DIAPH3: variants seen among roughly 807,000 people sequenced by gnomAD.
DIAPH3 encodes protein diaphanous homolog 3.
A neutral mutation model predicts 144.3 loss-of-function variants in DIAPH3; 117 were observed. The observed-to-expected ratio is 0.81, with a 90% confidence interval of 0.70 to 0.95. The LOEUF (loss-of-function observed/expected upper bound fraction) is 0.95, where lower values mean the gene tolerates loss of function less well. Ranked by LOEUF, DIAPH3 falls within the 40% of genes least tolerant of loss-of-function variation. The pLI is 0.00. For synonymous variants in DIAPH3, 519 were observed against 488.9 expected, an observed-to-expected ratio of 1.06 and a Z score of -0.81; for missense variants, 1,421 against 1,412.7, an observed-to-expected ratio of 1.01 and a Z score of -0.09.
intron 1 of DIAPH3, among the ~76,000 whole-genome samples, chr13:60,144,531 C>T (rs924777347): frequency 1.3e-5 from 2 of 152,112 alleles, no homozygotes; most frequent in South Asian, 2.1e-4. Context: ...CAGCCCTAGC[C>T]GCAGCTAAAC....
chr13:60,147,345 G>C (rs564920017), intron 1 of DIAPH3: 2 of 152,126 alleles, frequency 1.3e-5, no homozygotes, highest in Non-Finnish European at 2.9e-5. Context: ...ACAAAAAAAA[G>C]GTAAATTTGT....
intron 4 of DIAPH3, among the ~76,000 whole-genome samples, chr13:60,084,503 A>G (rs553228717): frequency 1.1e-4 from 16 of 152,064 alleles, no homozygotes; most frequent in Non-Finnish European, 2.2e-4. Flanking sequence ...ACTACTAAAT[A>G]TATCTACTAA....
chr13:60,046,129 T>C (rs887205962), intron 4 of DIAPH3, among the ~76,000 whole-genome samples: 1 of 152,182 alleles, frequency 6.6e-6, no homozygotes, highest in Non-Finnish European at 1.5e-5. Context: ...GTAAACTCAA[T>C]TGAACCAAAA....
chr13:60,069,412 C>G (rs760697451), intron 4 of DIAPH3, among the ~76,000 whole-genome samples: 4 of 152,066 alleles, frequency 2.6e-5, no homozygotes, highest in Non-Finnish European at 5.9e-5. Context: ...AATATTTTCT[C>G]TCATTCTGTA....
intron 25 of DIAPH3, among the ~76,000 whole-genome samples, chr13:59,789,200 T>C (rs1391088872): frequency 6.6e-6 from 1 of 152,148 alleles, no homozygotes; most frequent in Admixed American, 6.5e-5. Context: ...TTTAACAAAA[T>C]GTGACTATCA....
In DIAPH3 at chr13:59,784,442, C is replaced by G. The variant is rs193203958; in HGVS notation, c.3164-9619G>C. 3.7e-3 allele frequency among the ~76,000 whole-genome samples: 560 copies of G among 151,204 alleles called. 3 individuals are homozygous for G. Among genetic ancestry groups the G allele is most frequent in the African/African-American group, 0.013 (525 of 41,152 alleles). ...CCAGGCTGGAGTGAAGTGGTGTAAT[C>G]TCAGCTCATGGCAACCTCTGCCTCC... On this transcript the variant is annotated intron_variant, in intron 25 of 27. Coordinates refer to ENST00000400324, the MANE Select transcript of DIAPH3 (RefSeq NM_001042517.2).
intron 18 of DIAPH3, among the ~76,000 whole-genome samples, chr13:59,921,591 T>C (rs2140289148): frequency 6.6e-6 from 1 of 152,042 alleles, no homozygotes; most frequent in Non-Finnish European, 1.5e-5. Context: ...TAGTAATAAG[T>C]AGTTTCCCAC....
chr13:60,147,582 GCA>G (rs895482305), intron 1 of DIAPH3, among the ~76,000 whole-genome samples: 9 of 152,176 alleles, frequency 5.9e-5, no homozygotes, highest in Non-Finnish European at 1.2e-4. Context: ...CTTCAAGCAT[GCA>G]CAGAGGACAC....
At chr13:59,931,012 A>G (rs572228157) in intron 17 of DIAPH3, among the ~76,000 whole-genome samples, 2 of 152,284 alleles carry the variant, frequency 1.3e-5, no homozygotes, top group South Asian at 4.1e-4. Context: ...TGGATGTCTA[A>G]TGAGCACCTG....
intron 1 of DIAPH3, chr13:60,153,574 G>A (rs1951897384): frequency 6.6e-6 from 1 of 151,894 alleles, no homozygotes; most frequent in African/African-American, 2.4e-5. Flanking sequence ...TTGATAGAAA[G>A]AAAAACAGCA....
intron 27 of DIAPH3, among the ~76,000 whole-genome samples, chr13:59,729,368 C>T (rs2035766442): frequency 6.6e-6 from 1 of 151,920 alleles, no homozygotes; most frequent in Non-Finnish European, 1.5e-5. Context: ...GGAATAATGA[C>T]CAGAAAGAAC....
At chr13:59,812,008 T>C (rs1160623888) in intron 24 of DIAPH3, among the ~76,000 whole-genome samples, 1 of 151,968 alleles carries the variant, frequency 6.6e-6, no homozygotes, top group Middle Eastern at 3.2e-3. Flanking sequence ...GGTTAACACA[T>C]TGGACGTTTA....
intron 24 of DIAPH3, among the ~76,000 whole-genome samples, chr13:59,812,236 T>C (rs1008703441): frequency 1.1e-5 from 1 of 87,120 alleles, no homozygotes; most frequent in Non-Finnish European, 2.6e-5. Context: ...GGACAGTAAC[T>C]CATGCATGCA....
At chr13:59,978,359 T>C (rs749388946) in intron 14 of DIAPH3, among the ~76,000 whole-genome samples, 27 of 151,654 alleles carry the variant, frequency 1.8e-4, no homozygotes, top group Non-Finnish European at 3.5e-4. Flanking sequence ...AAGTTCACTG[T>C]TACACAGCAA....
rs901007517 is a variant in DIAPH3 at position 59,751,552 on chromosome 13, G to A, written c.3319+22637C>T. Among the ~76,000 whole-genome samples, 5 of 152,182 alleles carry A rather than the reference G, an allele frequency of 3.3e-5. No homozygotes were observed. The East Asian group carries it at 9.6e-4, about 29-fold the overall frequency. On this transcript the variant is annotated intron_variant, in intron 27 of 27. Coordinates refer to ENST00000400324, the MANE Select transcript of DIAPH3 (RefSeq NM_001042517.2). ...CATTTTTTCTTCAATCAACTGCTAT[G>A]ACATAAATGTATACAACCTGTAAAA...
At chr13:59,887,872 T>C (rs2045552222) in intron 20 of DIAPH3, among the ~76,000 whole-genome samples, 1 of 152,128 alleles carries the variant, frequency 6.6e-6, no homozygotes, top group Admixed American at 6.6e-5. Flanking sequence ...CTTCATAAAT[T>C]TTGATGCTCA....
intron 21 of DIAPH3, among the ~76,000 whole-genome samples, chr13:59,871,201 G>T (rs1055787286): frequency 1.4e-4 from 20 of 143,832 alleles, no homozygotes; most frequent in Non-Finnish European, 2.8e-4. Context: ...TTTTTGGGGG[G>T]GGGGGTGGCG....
At chr13:60,019,350 T>A (rs2053856134) in intron 5 of DIAPH3, among the ~76,000 whole-genome samples, 1 of 152,180 alleles carries the variant, frequency 6.6e-6, no homozygotes, top group Admixed American at 6.5e-5. Context: ...CATGGATAAA[T>A]ATGCACGTTT....
intron 27 of DIAPH3, among the ~76,000 whole-genome samples, chr13:59,773,655 G>C (rs927367235): frequency 6.6e-6 from 1 of 152,006 alleles, no homozygotes; most frequent in African/African-American, 2.4e-5. Flanking sequence ...TTTTTGACAG[G>C]AGTCCATCTT....
Sources: allele counts gnomAD v4.1 joint callset (sites outside exome capture counted in the v4.1 genomes callset), GRCh38; gene constraint gnomAD v4.1.1; transcripts MANE v1.5; gene names NCBI Gene and HGNC (gene_info 2026-07-23, HGNC 2026-07-21).